Variants in GRID2 observed in about 807,000 individuals in gnomAD.
The protein encoded by GRID2 is glutamate ionotropic receptor delta type subunit 2.
GRID2 carries 33 observed loss-of-function variants against 114.8 expected under a neutral mutation model. The ratio of observed to expected loss-of-function variants is 0.29; its 90% CI spans 0.22 to 0.38. The LOEUF is 0.38. Among genes scored for constraint, GRID2 ranks in the 10% least tolerant of loss-of-function variants. GRID2 has a pLI of 1.00. For synonymous variants in GRID2, 505 were observed against 449.9 expected, an observed-to-expected ratio of 1.12 and a Z score of -1.55; for missense variants, 1,184 against 1,257.7, an observed-to-expected ratio of 0.94 and a Z score of 0.89.
chr4:92,971,745 A>G (rs1753536294), intron 2 of GRID2, among the ~76,000 whole-genome samples: 1 of 151,902 alleles, frequency 6.6e-6, no homozygotes, highest in South Asian at 2.1e-4. Context: ...CCCTGCTTCC[A>G]TGAGCTCAAT....
intron 2 of GRID2, among the ~76,000 whole-genome samples, chr4:93,049,612 A>AT (rs1406015060): frequency 1.3e-5 from 2 of 151,918 alleles, no homozygotes; most frequent in Admixed American, 6.6e-5. Flanking sequence ...ATATATATTT[A>AT]TTGCTATTTT....
chr4:92,675,904 C>A (rs1733333802), intron 2 of GRID2, among the ~76,000 whole-genome samples: 2 of 151,758 alleles, frequency 1.3e-5, no homozygotes, highest in South Asian at 4.2e-4. Context: ...AGGTAGAAAG[C>A]CAAGCTGAAG....
intron 1 of GRID2, among the ~76,000 whole-genome samples, chr4:92,530,947 T>A (rs1349400435): frequency 1.3e-5 from 2 of 151,794 alleles, no homozygotes; most frequent in Non-Finnish European, 2.9e-5. Flanking sequence ...AATTCCCAAA[T>A]TTGAATATAA....
chr4:93,004,090 A>T (rs1269465990), intron 2 of GRID2, among the ~76,000 whole-genome samples: 2 of 151,902 alleles, frequency 1.3e-5, no homozygotes, highest in East Asian at 3.9e-4. Flanking sequence ...TGTTATATAA[A>T]ATGTGGTATA....
At chr4:93,616,862 G>A (rs560020390) in intron 13 of GRID2, among the ~76,000 whole-genome samples, 9 of 148,986 alleles carry the variant, frequency 6.0e-5, no homozygotes, top group Non-Finnish European at 1.2e-4. Flanking sequence ...AGGCGTGGTG[G>A]TGGGCGCCTG....
chr4:93,576,282 T>A (rs1312876134), intron 13 of GRID2, among the ~76,000 whole-genome samples: 1 of 152,160 alleles, frequency 6.6e-6, no homozygotes, highest in African/African-American at 2.4e-5. Flanking sequence ...TTCTCTCTTT[T>A]CCACCCAGTG....
chr4:92,570,853 A>T (rs945261894), intron 1 of GRID2, among the ~76,000 whole-genome samples: 3 of 152,028 alleles, frequency 2.0e-5, no homozygotes, highest in African/African-American at 4.8e-5. Context: ...TTTCAACTGG[A>T]TGACGGAGTT....
chr4:93,624,023 G>A (rs1742457303), intron 13 of GRID2, among the ~76,000 whole-genome samples: 1 of 152,056 alleles, frequency 6.6e-6, no homozygotes, highest in Non-Finnish European at 1.5e-5. Flanking sequence ...ACTTGTTCAA[G>A]TTGTCTTCAG....
intron 8 of GRID2, among the ~76,000 whole-genome samples, chr4:93,327,309 A>C (rs1757937915): frequency 6.6e-6 from 1 of 152,168 alleles, no homozygotes; most frequent in African/African-American, 2.4e-5. Flanking sequence ...TATAAATTTT[A>C]CTTTCTCCAA....
At chr4:93,181,309 AG>A (rs1266601881) in intron 4 of GRID2, among the ~76,000 whole-genome samples, 1 of 152,204 alleles carries the variant, frequency 6.6e-6, no homozygotes, top group Non-Finnish European at 1.5e-5. Context: ...TTAAATATTT[AG>A]TAAACCATGC....
intron 1 of GRID2, among the ~76,000 whole-genome samples, chr4:92,485,101 G>A (rs1722799532): frequency 6.7e-6 from 1 of 150,310 alleles, no homozygotes. Context: ...TCTTATTTTC[G>A]ATATTGCTAA....
At chr4:92,691,737 T>C (rs1734192334) in intron 2 of GRID2, among the ~76,000 whole-genome samples, 1 of 152,222 alleles carries the variant, frequency 6.6e-6, no homozygotes, top group African/African-American at 2.4e-5. Flanking sequence ...GGGAAACTTT[T>C]TATTCTAAGC....
chr4:92,834,092 G>T (rs1742295516), intron 2 of GRID2: 1 of 152,120 alleles, frequency 6.6e-6, no homozygotes, highest in Non-Finnish European at 1.5e-5. Context: ...TTGATTAAGA[G>T]AATATTTATT....
chr4:92,853,839 A>G (rs1398417856), intron 2 of GRID2, among the ~76,000 whole-genome samples: 1 of 151,884 alleles, frequency 6.6e-6, no homozygotes, highest in Non-Finnish European at 1.5e-5. Context: ...GTGGACTTCT[A>G]GAGGTTGGAG....
chr4:92,306,931 A>G (rs1017840596), intron 1 of GRID2, among the ~76,000 whole-genome samples: 6 of 152,210 alleles, frequency 3.9e-5, no homozygotes, highest in South Asian at 4.1e-4. Context: ...TGAGATAATT[A>G]GCTGTTTTAT....
At chr4:93,407,760 C>G (rs1428529307) in intron 9 of GRID2, among the ~76,000 whole-genome samples, 4 of 127,808 alleles carry the variant, frequency 3.1e-5, no homozygotes, top group African/African-American at 9.5e-5. Flanking sequence ...CCTCCTCGTC[C>G]TCCTCCTCCT....
At chr4:93,486,068 T>C (rs1280868671) in intron 11 of GRID2, among the ~76,000 whole-genome samples, 1 of 151,724 alleles carries the variant, frequency 6.6e-6, no homozygotes, top group Non-Finnish European at 1.5e-5. Flanking sequence ...CATGTAGAGG[T>C]CTCTCATATC....
intron 2 of GRID2, among the ~76,000 whole-genome samples, chr4:92,882,750 A>G (rs1746115751): frequency 6.6e-6 from 1 of 152,244 alleles, no homozygotes; most frequent in Non-Finnish European, 1.5e-5. Context: ...AGTTGTGTTT[A>G]AAGTATACTG....
intron 2 of GRID2, among the ~76,000 whole-genome samples, chr4:93,071,103 T>C (rs1413477080): frequency 1.3e-5 from 2 of 152,144 alleles, no homozygotes; most frequent in African/African-American, 4.8e-5. Flanking sequence ...ACTTTTCTTA[T>C]GAAGGGCAGA....
Sources: gnomAD v4.1 joint callset for allele counts (sites outside exome capture counted in the v4.1 genomes callset) on GRCh38, gnomAD v4.1.1 for gene constraint, MANE v1.5 for transcripts, NCBI Gene and HGNC (gene_info 2026-07-23, HGNC 2026-07-21) for gene names.